Variants in MCTP2 observed in about 807,000 individuals in gnomAD.
The protein encoded by MCTP2 is multiple C2 and transmembrane domain-containing protein 2.
MCTP2 carries 132 observed loss-of-function variants against 111.6 expected under a neutral mutation model. The observed-to-expected ratio is 1.18, with a 90% CI of 1.03 to 1.37. The LOEUF is 1.37. Among genes scored for constraint, MCTP2 ranks in the 40% most tolerant of loss-of-function variants. The pLI is 0.00. For missense variants in MCTP2, 1,183 were observed against 1,067.9 expected (o/e 1.11, Z -1.50); for synonymous variants, 395 against 387.7 (o/e 1.02, Z -0.22).
At chr15:94,340,082 T>C in intron 5 of MCTP2, 117 bp from the exon 6 acceptor site, 6 of 717,546 alleles carry the variant, frequency 8.4e-6, no homozygotes, top group Non-Finnish European at 9.7e-6. Flanking sequence ...ATGCAAAGTA[T>C]TTCAAGATCT....
intron 20 of MCTP2, among the ~76,000 whole-genome samples, chr15:94,464,270 T>TA (rs1409522905): frequency 1.1e-5 from 1 of 89,436 alleles, no homozygotes; most frequent in African/African-American, 3.7e-5. Context: ...TATATATATA[T>TA]ATATATATAA....
chr15:94,398,119 A>G (rs2081372694), intron 14 of MCTP2, among the ~76,000 whole-genome samples: 1 of 152,214 alleles, frequency 6.6e-6, no homozygotes, highest in Non-Finnish European at 1.5e-5. Flanking sequence ...TATGGAACTG[A>G]TGCAACATGC....
intron 2 of MCTP2, among the ~76,000 whole-genome samples, chr15:94,310,971 A>G (rs2076101574): frequency 6.6e-6 from 1 of 150,690 alleles, no homozygotes; most frequent in Non-Finnish European, 1.5e-5. Context: ...TAAACAAAAA[A>G]CTAAGGGAAT....
chr15:94,313,638 T>A (rs1280082604), intron 2 of MCTP2, among the ~76,000 whole-genome samples: 1 of 151,672 alleles, frequency 6.6e-6, no homozygotes, highest in Non-Finnish European at 1.5e-5. Context: ...GAGGTGGAGG[T>A]TGCAGTGAGC....
intron 1 of MCTP2, among the ~76,000 whole-genome samples, chr15:94,245,384 GTATTTATATACATGTGTGTATATATT>G (rs1177747391): frequency 7.7e-6 from 1 of 129,764 alleles, no homozygotes; most frequent in Non-Finnish European, 1.6e-5. Flanking sequence ...ATATGTATAT[GTATTTATATACATGTGTGTATATATT>G]TATATACATG....
intron 20 of MCTP2, among the ~76,000 whole-genome samples, chr15:94,466,230 C>T (rs2073282740): frequency 6.6e-6 from 1 of 151,850 alleles, no homozygotes; most frequent in Non-Finnish European, 1.5e-5. Flanking sequence ...TCTTTTCTTT[C>T]AGATTTTGCT....
Position 94,339,419 on chromosome 15 carries a change from AG to A in MCTP2, c.768del (p.Lys256AsnfsTer4). The A allele has an allele frequency of 6.2e-7, 1 of 1,601,724 alleles. No individual in the cohort carries two copies. Among genetic ancestry groups the A allele is most frequent in the African/African-American group, 1.3e-5 (1 of 74,252 alleles). Reference sequence around the variant, plus strand: ...TTGCCAATCCAAAGCCTTGATCAAAAGCTACGTGTGAAGGTAATCACAGATA... The same window carrying A: ...TTGCCAATCCAAAGCCTTGATCAAAACTACGTGTGAAGGTAATCACAGATA... The part of the protein sequence containing the change: ...VVLPIQSLDQ[K>X]LRVKVYDRDL... On this transcript the variant is annotated frameshift_variant, in exon 5 of 23. Coordinates refer to ENST00000357742, the MANE Select transcript of MCTP2 (RefSeq NM_001385001.1). LOFTEE classifies it high-confidence loss of function.
chr15:94,249,957 G>A (rs766343691), intron 1 of MCTP2, among the ~76,000 whole-genome samples: 2 of 151,366 alleles, frequency 1.3e-5, no homozygotes, highest in African/African-American at 2.4e-5. Flanking sequence ...TTTTACATTC[G>A]CTTATTACAA....
At chr15:94,257,149 C>T (rs1433922571) in intron 1 of MCTP2, among the ~76,000 whole-genome samples, 1 of 152,180 alleles carries the variant, frequency 6.6e-6, no homozygotes, top group Non-Finnish European at 1.5e-5. Context: ...TGCATGGATC[C>T]ATTCCTATTT....
chr15:94,262,572 A>AT, intron 1 of MCTP2, among the ~76,000 whole-genome samples: 1 of 152,256 alleles, frequency 6.6e-6, no homozygotes, highest in South Asian at 2.1e-4. Context: ...CTCAAAGCAT[A>AT]TTTTAGAGGG....
chr15:94,463,977 G>GT (rs2085368889), intron 20 of MCTP2, among the ~76,000 whole-genome samples: 1 of 151,416 alleles, frequency 6.6e-6, no homozygotes, highest in Admixed American at 6.6e-5. Flanking sequence ...TTATTTACTT[G>GT]TTTTTGCTTA....
intron 1 of MCTP2, among the ~76,000 whole-genome samples, chr15:94,266,502 A>T (rs1055223611): frequency 6.0e-5 from 9 of 150,844 alleles, no homozygotes; most frequent in African/African-American, 2.0e-4. Context: ...CAATTTGTGT[A>T]TTAAATTTTA....
At chr15:94,347,321 A>G (rs913116723) in intron 8 of MCTP2, among the ~76,000 whole-genome samples, 8 of 152,194 alleles carry the variant, frequency 5.3e-5, no homozygotes, top group African/African-American at 1.9e-4. Context: ...ATATTATGTA[A>G]TAATTTAACA....
intron 4 of MCTP2, among the ~76,000 whole-genome samples, chr15:94,316,441 C>T (rs12905097): frequency 0.32 from 48,387 of 151,796 alleles, 7,913 homozygotes; most frequent in Admixed American, 0.43. Flanking sequence ...CTACCTGGGC[C>T]CGGATCTTGG....
At chr15:94,387,021 C>T (rs1481562562) in intron 14 of MCTP2, among the ~76,000 whole-genome samples, 1 of 152,030 alleles carries the variant, frequency 6.6e-6, no homozygotes, top group Admixed American at 6.6e-5. Flanking sequence ...GTAGGCTTTC[C>T]CAAAACATTC....
rs145524045 is a variant in MCTP2 at position 94,278,819 on chromosome 15, G to A, written c.-65-19382G>A. 4.6e-3 allele frequency among the ~76,000 whole-genome samples: 701 copies of A among 152,244 alleles called. 6 individuals carry two copies. The highest frequency in any genetic ancestry group is 0.014 in the African/African-American group (602 of 41,556). On this transcript the variant is annotated intron_variant, in intron 1 of 22. Coordinates refer to ENST00000357742, the MANE Select transcript of MCTP2 (RefSeq NM_001385001.1). ...AGCTCCTATTTATAAGGGAGAACAC[G>A]TAGTATTTGGTTTCCTGTTCCTTTA... is the stretch of plus-strand genomic sequence containing the variant.
At chr15:94,325,556 C>T (rs555626119) in intron 4 of MCTP2, among the ~76,000 whole-genome samples, 1 of 152,248 alleles carries the variant, frequency 6.6e-6, no homozygotes, top group Non-Finnish European at 1.5e-5. Context: ...CCACCACCAC[C>T]TCTAACCTGG....
chr15:94,250,299 TC>T (rs2072319764), intron 1 of MCTP2, among the ~76,000 whole-genome samples: 1 of 152,214 alleles, frequency 6.6e-6, no homozygotes, highest in African/African-American at 2.4e-5. Context: ...GTGCTACATT[TC>T]CTAGGCTTGT....
At chr15:94,271,644 A>G (rs1563363) in intron 1 of MCTP2, among the ~76,000 whole-genome samples, 142,293 of 152,290 alleles carry the variant, frequency 0.93, 66,532 homozygotes, top group Middle Eastern at 0.96. Context: ...GATAAATGGT[A>G]TAATATACTT....
Sources: allele counts gnomAD v4.1 joint callset (sites outside exome capture counted in the v4.1 genomes callset), GRCh38; gene constraint gnomAD v4.1.1; transcripts MANE v1.5; gene names NCBI Gene and HGNC (gene_info 2026-07-23, HGNC 2026-07-21).